The following SRP54 variants were observed in gnomAD, a reference collection of about 807,000 sequenced individuals.
SRP54 encodes the protein signal recognition particle 54, also known as signal recognition particle subunit SRP54.
SRP54 carries 10 observed loss-of-function variants against 64.8 expected under a neutral mutation model. The ratio of observed to expected loss-of-function variants is 0.15; its 90% CI spans 0.10 to 0.26. The LOEUF (loss-of-function observed/expected upper bound fraction) is 0.26. Among genes scored for constraint, SRP54 ranks in the 10% least tolerant of loss-of-function variants. SRP54 has a pLI of 1.00. For missense variants in SRP54, 325 were observed against 613.7 expected, an observed-to-expected ratio of 0.53 and a Z score of 4.97; for synonymous variants, 193 against 185.6, an observed-to-expected ratio of 1.04 and a Z score of -0.32.
intron 13 of SRP54, among the ~76,000 whole-genome samples, chr14:35,021,031 A>G (rs2044521013): frequency 6.6e-6 from 1 of 152,170 alleles, no homozygotes; most frequent in Non-Finnish European, 1.5e-5. Context: ...GGAATATAAT[A>G]TATATGTTTC....
chr14:34,984,980 G>A (rs967304750), intron 1 of SRP54, among the ~76,000 whole-genome samples: 8 of 150,006 alleles, frequency 5.3e-5, no homozygotes, highest in Admixed American at 1.3e-4. Context: ...TTGTCAGTGC[G>A]TTTTTGAGTT....
chr14:34,999,013 G>GTGT (rs67731589), intron 2 of SRP54, among the ~76,000 whole-genome samples: 6 of 39,572 alleles, frequency 1.5e-4, no homozygotes, highest in Non-Finnish European at 2.1e-4. Flanking sequence ...GTGTGTGTGT[G>GTGT]GTTTTTTTTT....
intron 13 of SRP54, 144 bp downstream of exon 13, chr14:35,019,218 C>G (rs891121743): frequency 1.0e-5 from 6 of 600,810 alleles, no homozygotes; most frequent in Non-Finnish European, 1.8e-5. Context: ...CTTGAAAGCT[C>G]TTACTCAAAG....
intron 14 of SRP54, among the ~76,000 whole-genome samples, chr14:35,026,284 A>G (rs943966609): frequency 4.0e-5 from 6 of 150,616 alleles, no homozygotes; most frequent in African/African-American, 1.2e-4. Flanking sequence ...CTGAAGTGCA[A>G]TGGCATGATC....
intron 5 of SRP54, 65 bp from the exon 6 acceptor site, chr14:35,008,561 GA>G: frequency 1.8e-6 from 2 of 1,099,782 alleles, no homozygotes; most frequent in South Asian, 2.3e-5. Context: ...AGGAAAAACA[GA>G]AAAAATTATA....
intron 1 of SRP54, among the ~76,000 whole-genome samples, chr14:34,991,109 C>CTTTTTTTTTTTTTTTTT (rs71435838): frequency 9.0e-6 from 1 of 111,086 alleles, no homozygotes; most frequent in Admixed American, 9.5e-5. Context: ...AATTTCTTTT[C>CTTTTTTTTTTTTTTTTT]TTTTTTTTTT....
At chr14:34,988,578 A>AAAAAATATATATAT (rs1384552218) in intron 1 of SRP54, among the ~76,000 whole-genome samples, 1 of 47,102 alleles carries the variant, frequency 2.1e-5, no homozygotes, top group Non-Finnish European at 4.8e-5. Context: ...AAAAAAAAAA[A>AAAAAATATATATAT]ATATATATAT....
chr14:34,997,942 AGAAAG>A (rs2044095962), intron 2 of SRP54, among the ~76,000 whole-genome samples: 1 of 152,162 alleles, frequency 6.6e-6, no homozygotes. Flanking sequence ...TGTTTATAGT[AGAAAG>A]GAAAGGAAAC....
intron 4 of SRP54, 136 bp downstream of exon 4, chr14:35,001,156 A>T (rs2138984129): frequency 6.6e-5 from 17 of 256,802 alleles, no homozygotes; most frequent in East Asian, 8.4e-5. Context: ...TGAAAGGATT[A>T]TTGAGTTTTC....
Position 34,996,671 on chromosome 14 carries a change from C to T in SRP54, c.-33-6C>T. ...TTATTCTCACTTAATTTTTTTTCTG[C>T]TGTAGAGTTCTTCGTAAGTACATCT... On this transcript the variant is annotated splice_polypyrimidine_tract_variant and splice_region_variant and intron_variant, in intron 1 of 15. Coordinates refer to ENST00000216774, the MANE Select transcript of SRP54 (RefSeq NM_003136.4). The T allele has an allele frequency of 7.1e-7, 1 of 1,402,628 alleles. No individual in the cohort carries two copies. Among genetic ancestry groups the T allele is most frequent in the Non-Finnish European group, 1.0e-6 (1 of 987,816 alleles). The allele number at this position is 1,402,628 out of a possible 1,614,324, so 86.9% of individuals were successfully genotyped here. A position where few individuals can be genotyped will look rare whatever the true frequency, so the allele number is the denominator to read the frequency against.
chr14:35,022,852 A>G (rs1489450463), intron 13 of SRP54, 58 bp from the exon 14 acceptor site: 10 of 1,444,242 alleles, frequency 6.9e-6, no homozygotes, highest in African/African-American at 2.9e-5. Flanking sequence ...CCATTTGCAC[A>G]TAACTGCTTT....
chr14:34,990,209 T>G (rs2043958996), intron 1 of SRP54, among the ~76,000 whole-genome samples: 1 of 152,202 alleles, frequency 6.6e-6, no homozygotes, highest in Non-Finnish European at 1.5e-5. Flanking sequence ...CTGATTGCAG[T>G]GATAGTTATC....
At chr14:34,999,476 A>T (rs910864184) in intron 2 of SRP54, 82 bp from the exon 3 acceptor site, 8 of 955,454 alleles carry the variant, frequency 8.4e-6, no homozygotes, top group Non-Finnish European at 1.3e-5. Flanking sequence ...AGCTGTGGTT[A>T]TGTAAGTGAT....
intron 14 of SRP54, among the ~76,000 whole-genome samples, chr14:35,025,490 T>G (rs1329251444): frequency 1.3e-5 from 2 of 152,162 alleles, no homozygotes; most frequent in Non-Finnish European, 2.9e-5. Flanking sequence ...TGTAATGTCT[T>G]TCCCATGTAG....
At chr14:34,996,890 A>G in intron 2 of SRP54, 103 bp downstream of exon 2, 1 of 827,530 alleles carries the variant, frequency 1.2e-6, no homozygotes, top group South Asian at 1.6e-5. Context: ...TTTGATGTAG[A>G]CTTAATACTT....
At chr14:35,026,174 GTTTTTT>G (rs1232842366) in intron 14 of SRP54, among the ~76,000 whole-genome samples, 3 of 151,612 alleles carry the variant, frequency 2.0e-5, no homozygotes, top group Non-Finnish European at 2.9e-5. Context: ...TTCTGTTGTT[GTTTTTT>G]TATTTATTGT....
At chr14:35,026,740 C>G in intron 14 of SRP54, among the ~76,000 whole-genome samples, 1 of 152,154 alleles carries the variant, frequency 6.6e-6, no homozygotes, top group Middle Eastern at 3.4e-3. Flanking sequence ...GTCAAGAGAT[C>G]GAAACCATCC....
At chr14:35,028,040 T>G (rs1465692052) in intron 14 of SRP54, 48 bp from the exon 15 acceptor site, 2 of 1,284,536 alleles carry the variant, frequency 1.6e-6, no homozygotes, top group East Asian at 2.3e-5. Flanking sequence ...TTATACTGAT[T>G]ATATTACCTC....
chr14:35,012,639 C>G (rs2044373450), intron 8 of SRP54, among the ~76,000 whole-genome samples: 1 of 152,132 alleles, frequency 6.6e-6, no homozygotes, highest in Non-Finnish European at 1.5e-5. Context: ...TTGCATATAA[C>G]CTTTTCCTCT....
Sources: gnomAD v4.1 joint callset for allele counts (sites outside exome capture counted in the v4.1 genomes callset) on GRCh38, gnomAD v4.1.1 for gene constraint, MANE v1.5 for transcripts, NCBI Gene and HGNC (gene_info 2026-07-23, HGNC 2026-07-21) for gene names.